The following ERG variants were observed in gnomAD, a reference collection of about 807,000 sequenced individuals.
ERG encodes ETS transcription factor ERG.
In ERG, 9 loss-of-function variants were observed where a neutral mutation model predicts 55.3. The ratio of observed to expected loss-of-function variants is 0.16; its 90% CI spans 0.10 to 0.28. ERG has a LOEUF of 0.28. Among genes scored for constraint, ERG ranks in the 10% least tolerant of loss-of-function variants. The pLI is 1.00. For missense variants in ERG, 434 were observed against 631.6 expected, an observed-to-expected ratio of 0.69 and a Z score of 3.35; for synonymous variants, 223 against 237.3, an observed-to-expected ratio of 0.94 and a Z score of 0.55.
chr21:38,381,880 G>A lies in ERG; in HGVS notation c.*1523C>T. 5.6e-6 allele frequency: 6 copies of A among 1,063,544 alleles called. No homozygotes were observed. The highest frequency in any genetic ancestry group is 6.8e-6 in the Non-Finnish European group (6 of 878,168). 65.9% of individuals were successfully genotyped at this position (1,063,544 alleles called of 1,614,324 possible). On this transcript the variant is annotated 3_prime_UTR_variant, in exon 10 of 10. Coordinates refer to ENST00000288319, the MANE Select transcript of ERG (RefSeq NM_182918.4). Reference sequence around the variant, plus strand: ...GACCTGGAGAGGCTGACGCCATTTGGGTGCCAAACATCCTATTTCCTTGGC... The same window carrying A: ...GACCTGGAGAGGCTGACGCCATTTGAGTGCCAAACATCCTATTTCCTTGGC...
chr21:38,599,633 A>T (rs1182675488), intron 1 of ERG, among the ~76,000 whole-genome samples: 2 of 152,206 alleles, frequency 1.3e-5, no homozygotes, highest in African/African-American at 4.8e-5. Flanking sequence ...GGCGTTTCCG[A>T]TGCTAACACC....
At chr21:38,456,004 A>G (rs2146582976) in intron 1 of ERG, among the ~76,000 whole-genome samples, 1 of 152,202 alleles carries the variant, frequency 6.6e-6, no homozygotes, top group South Asian at 2.1e-4. Flanking sequence ...CGTGCCCCTC[A>G]TGTACCAAGT....
At chr21:38,441,712 G>A (rs181058093) in intron 2 of ERG, among the ~76,000 whole-genome samples, 59 of 152,268 alleles carry the variant, frequency 3.9e-4, no homozygotes, top group Admixed American at 2.2e-3. Context: ...TTGTGGGTAG[G>A]GGACGATGAC....
chr21:38,622,018 C>T (rs934198416), intron 1 of ERG, among the ~76,000 whole-genome samples: 2 of 152,238 alleles, frequency 1.3e-5, no homozygotes, highest in African/African-American at 4.8e-5. Flanking sequence ...ATCCAGGAGC[C>T]TGCAGGAGCC....
intron 1 of ERG, among the ~76,000 whole-genome samples, chr21:38,593,295 C>T (rs536285814): frequency 3.6e-4 from 55 of 152,362 alleles, no homozygotes; most frequent in African/African-American, 1.3e-3. Context: ...ATAAATATGA[C>T]TTCTCTCCTG....
chr21:38,497,051 C>T (rs1268114959), intron 1 of ERG, among the ~76,000 whole-genome samples: 1 of 152,100 alleles, frequency 6.6e-6, no homozygotes, highest in East Asian at 1.9e-4. Context: ...TCTATAGGAG[C>T]CATATTTCAG....
At position 38,645,172 on chromosome 21, in the gene ERG, C is replaced by T. The variant is rs1364733605; in HGVS notation, c.-150+16486G>A. On this transcript the variant is annotated intron_variant, in intron 1 of 10. Transcript: ENST00000398910. ...AGACTCTGTCTCAGAAAAAAATAAA[C>T]GATTTTAAAAATTTTAAACCCTTAA... is the stretch of plus-strand genomic sequence containing the variant. 4.6e-5 allele frequency among the ~76,000 whole-genome samples: 7 copies of T among 152,068 alleles called. No homozygotes were observed. In the East Asian group the frequency reaches 5.8e-4, roughly 13 times the overall value.
At chr21:38,449,733 A>G (rs750363641) in intron 1 of ERG, among the ~76,000 whole-genome samples, 54 of 152,226 alleles carry the variant, frequency 3.5e-4, no homozygotes, top group Admixed American at 1.3e-3. Flanking sequence ...TAGAAAATAA[A>G]GGCCCAAAAT....
intron 1 of ERG, among the ~76,000 whole-genome samples, chr21:38,453,544 C>A (rs2146575969): frequency 6.6e-6 from 1 of 152,308 alleles, no homozygotes; most frequent in East Asian, 1.9e-4. Flanking sequence ...GTTTAAGAAA[C>A]AACATGCCTG....
chr21:38,601,357 A>T (rs2060163462), intron 1 of ERG, among the ~76,000 whole-genome samples: 1 of 152,218 alleles, frequency 6.6e-6, no homozygotes, highest in Non-Finnish European at 1.5e-5. Flanking sequence ...CTTTGGTGGC[A>T]AAGGCAATGT....
In ERG at chr21:38,519,797, C is replaced by T. The variant is rs576451175; in HGVS notation, c.-41+55865G>A. Among the ~76,000 whole-genome samples the T allele has an allele frequency of 2.0e-5, 3 of 152,152 alleles. No homozygotes were observed. In the East Asian group the frequency reaches 5.8e-4, roughly 29 times the overall value. On this transcript the variant is annotated intron_variant, in intron 2 of 8. Coordinates refer to the ERG transcript ENST00000398897. ...CAAGAATGTCCACTGCAGTATTATTCTCTCAGTTAAATGCTATATCTGGCT... is the reference window on the plus strand; with the variant it reads ...CAAGAATGTCCACTGCAGTATTATTTTCTCAGTTAAATGCTATATCTGGCT...
At chr21:38,591,957 G>T (rs972609185) in intron 1 of ERG, among the ~76,000 whole-genome samples, 3 of 152,220 alleles carry the variant, frequency 2.0e-5, no homozygotes, top group African/African-American at 7.2e-5. Context: ...GGGAGCCAGT[G>T]GAGTAGAGGA....
chr21:38,387,763 A>G (rs1987769635), intron 9 of ERG, among the ~76,000 whole-genome samples: 1 of 152,230 alleles, frequency 6.6e-6, no homozygotes, highest in South Asian at 2.1e-4. Flanking sequence ...GCTGACTGAT[A>G]TCCTCTGAAA....
In ERG at chr21:38,429,362, A is replaced by ATGTACACATATACATAT. The variant is rs1404361360; in HGVS notation, c.237-5802_237-5801insATATGTATATGTGTACA. 2.9e-5 allele frequency among the ~76,000 whole-genome samples: 4 copies of ATGTACACATATACATAT among 135,904 alleles called. 1 individual carries two copies. Among genetic ancestry groups the ATGTACACATATACATAT allele is most frequent in the Admixed American group, 7.6e-5 (1 of 13,148 alleles). The allele number at this position is 135,904 out of a possible 152,430, so 89.2% of individuals were successfully genotyped here. A position where few individuals can be genotyped will look rare whatever the true frequency, so the allele number is the denominator to read the frequency against. ...TACATATGCACACATATACATATAT[A>ATGTACACATATACATAT]ATATGTACACATATACATATATATG... On this transcript the variant is annotated intron_variant, in intron 2 of 9. Transcript: ENST00000288319.
At chr21:38,661,630 C>G (rs191222600) in intron 1 of ERG, 1 of 152,490 alleles carries the variant, frequency 6.6e-6, no homozygotes, top group East Asian at 1.9e-4. Flanking sequence ...CGTTTCTACG[C>G]GAATTCCGAC....
At position 38,381,278 on chromosome 21, in the gene ERG, C is replaced by T. The variant is rs187184098; in HGVS notation, c.*2125G>A. On this transcript the variant is annotated 3_prime_UTR_variant, in exon 10 of 10. Coordinates refer to ENST00000288319, the MANE Select transcript of ERG (RefSeq NM_182918.4). ...AGAAACCTATTCAGCTAAGATGTTT[C>T]GGCTAGCGCCTTCGCACGGTCACCT... 88 of 1,065,308 alleles carry T rather than the reference C, an allele frequency of 8.3e-5. No homozygotes were observed. The highest frequency in any genetic ancestry group is 9.1e-5 in the South Asian group (2 of 21,984). The allele number at this position is 1,065,308 out of a possible 1,614,324, so 66.0% of individuals were successfully genotyped here.
chr21:38,612,876 T>C (rs1376181009), intron 1 of ERG, among the ~76,000 whole-genome samples: 1 of 152,108 alleles, frequency 6.6e-6, no homozygotes, highest in Non-Finnish European at 1.5e-5. Flanking sequence ...TTAGCCAGAA[T>C]GGTCTCGATC....
chr21:38,402,710 T>TAAAA, intron 4 of ERG, 73 bp from the exon 5 acceptor site: 1 of 365,716 alleles, frequency 2.7e-6, no homozygotes. Flanking sequence ...TTACCTTTCT[T>TAAAA]ACAAAAAAAA....
At chr21:38,617,418 G>A (rs979450770) in intron 1 of ERG, among the ~76,000 whole-genome samples, 5 of 152,132 alleles carry the variant, frequency 3.3e-5, no homozygotes, top group African/African-American at 9.7e-5. Context: ...AAGGGCAGGC[G>A]GATGACCTGC....
Sources: allele counts gnomAD v4.1 joint callset (sites outside exome capture counted in the v4.1 genomes callset), GRCh38; gene constraint gnomAD v4.1.1; transcripts MANE v1.5; gene names NCBI Gene and HGNC (gene_info 2026-07-23, HGNC 2026-07-21).